The following TMX4 variants were observed in gnomAD, a reference collection of about 807,000 sequenced individuals.
TMX4 encodes the protein thioredoxin related transmembrane protein 4.
Under a neutral mutation model 33.3 loss-of-function variants are expected in TMX4, and 23 were observed. The ratio of observed to expected loss-of-function variants is 0.69; its 90% CI spans 0.50 to 0.98. TMX4 has a LOEUF of 0.98. Among genes scored for constraint, TMX4 ranks in the 50% least tolerant of loss-of-function variants. TMX4 has a pLI of 0.00. For missense variants in TMX4, 399 were observed against 448.9 expected (o/e 0.89, Z 1.01); for synonymous variants, 164 against 161.5 (o/e 1.02, Z -0.12).
At chr20:7,986,273 A>AC (rs1335557936) in intron 6 of TMX4, among the ~76,000 whole-genome samples, 2 of 152,212 alleles carry the variant, frequency 1.3e-5, no homozygotes, top group Admixed American at 6.5e-5. Flanking sequence ...CCTGAAGTTA[A>AC]CATCAGGAGC....
intron 4 of TMX4, among the ~76,000 whole-genome samples, chr20:7,997,624 A>G (rs1190197214): frequency 6.6e-6 from 1 of 152,288 alleles, no homozygotes; most frequent in Non-Finnish European, 1.5e-5. Flanking sequence ...AAATTAGTTT[A>G]TACACCTGAC....
chr20:7,989,719 T>C (rs1247912101), intron 5 of TMX4, among the ~76,000 whole-genome samples: 1 of 152,188 alleles, frequency 6.6e-6, no homozygotes, highest in African/African-American at 2.4e-5. Context: ...AAGCCCCTTA[T>C]GAGTGTTAGG....
intron 6 of TMX4, among the ~76,000 whole-genome samples, chr20:7,985,245 A>ATATG (rs1311791212): frequency 0.013 from 1,824 of 144,812 alleles, 54 homozygotes; most frequent in East Asian, 0.062. Context: ...GTGTATATAT[A>ATATG]TGTGTGTGTG....
intron 4 of TMX4, among the ~76,000 whole-genome samples, chr20:7,997,496 CT>C (rs1259740877): frequency 6.6e-6 from 1 of 151,722 alleles, no homozygotes; most frequent in Non-Finnish European, 1.5e-5. Flanking sequence ...ACTCACATTC[CT>C]TTCCTTATTT....
chr20:8,018,471 GGAGGGAGGGGGAGA>G (rs2050791236), intron 1 of TMX4, among the ~76,000 whole-genome samples: 1 of 38,748 alleles, frequency 2.6e-5, no homozygotes, highest in South Asian at 2.1e-3. Flanking sequence ...AGGGAGGGAG[GGAGGGAGGGGGAGA>G]GAGAGAGAGA....
intron 5 of TMX4, among the ~76,000 whole-genome samples, chr20:7,994,150 C>A (rs114494982): frequency 0.011 from 1,636 of 151,676 alleles, 19 homozygotes; most frequent in Middle Eastern, 0.027. Flanking sequence ...TACTTGTGTG[C>A]CAAATTTTAG....
intron 1 of TMX4, chr20:8,018,646 C>T (rs1272566182): frequency 2.4e-5 from 4 of 166,308 alleles, no homozygotes; most frequent in South Asian, 1.2e-4. Flanking sequence ...TCAACAAATC[C>T]CTTTCTTTCT....
At chr20:8,001,690 A>T in intron 2 of TMX4, 149 bp from the exon 3 acceptor site, 17 of 763,268 alleles carry the variant, frequency 2.2e-5, no homozygotes, top group Non-Finnish European at 3.6e-5. Context: ...TTTCATTTCT[A>T]CCTATTTTTA....
chr20:7,994,094 T>A (rs1314038292), intron 5 of TMX4, among the ~76,000 whole-genome samples: 1 of 152,152 alleles, frequency 6.6e-6, no homozygotes, highest in Non-Finnish European at 1.5e-5. Context: ...TACATTTATA[T>A]AATTGTACAT....
intron 5 of TMX4, among the ~76,000 whole-genome samples, chr20:7,990,087 G>C (rs1017527628): frequency 1.2e-4 from 18 of 152,270 alleles, no homozygotes; most frequent in African/African-American, 4.3e-4. Context: ...ACGAGGTCAG[G>C]AGTTCGAGAC....
At position 7,979,750 on chromosome 20, in the gene TMX4, A is replaced by G. The variant is rs1173474519; in HGVS notation, c.*2501T>C. On this transcript the variant is annotated 3_prime_UTR_variant, in exon 8 of 8. Coordinates refer to ENST00000246024, the MANE Select transcript of TMX4 (RefSeq NM_021156.4). The stretch of plus-strand genomic sequence containing the variant: ...GAAACTCCATCTCAAAAAAAAAAAA[A>G]AAAGAAAATACATTTTTCTTATTAT... 6.6e-6 allele frequency: 1 copy of G among 151,970 alleles called. No individual in the cohort carries two copies. Among genetic ancestry groups the G allele is most frequent in the Non-Finnish European group, 1.5e-5 (1 of 68,002 alleles). 9.4% of individuals were successfully genotyped at this position (151,970 alleles called of 1,614,324 possible). A position where few individuals can be genotyped will look rare whatever the true frequency, so the allele number is the denominator to read the frequency against.
chr20:7,988,039 G>T (rs982672909), intron 5 of TMX4, among the ~76,000 whole-genome samples: 5 of 152,176 alleles, frequency 3.3e-5, no homozygotes, highest in Admixed American at 6.5e-5. Context: ...CTCTAAAAAT[G>T]AGTGAAGGGA....
At chr20:8,013,167 G>A (rs1236096751) in intron 1 of TMX4, among the ~76,000 whole-genome samples, 1 of 152,014 alleles carries the variant, frequency 6.6e-6, no homozygotes, top group African/African-American at 2.4e-5. Flanking sequence ...TATAATTTAT[G>A]TATATATGCA....
chr20:7,982,210 A>G lies in TMX4; in HGVS notation c.*41T>C. The G allele has an allele frequency of 6.4e-7, 1 of 1,573,192 alleles. No individual in the cohort carries two copies. The highest frequency in any genetic ancestry group is 8.6e-7 in the Non-Finnish European group (1 of 1,157,768). ...AACTGCAGGCCAAAGGGAAGCTGAC[A>G]TATTGTTTTGGTGTGTATTCTTGAA... On this transcript the variant is annotated 3_prime_UTR_variant, in exon 8 of 8. Coordinates refer to ENST00000246024, the MANE Select transcript of TMX4 (RefSeq NM_021156.4).
intron 2 of TMX4, among the ~76,000 whole-genome samples, chr20:8,006,415 T>C (rs1199023564): frequency 6.6e-6 from 1 of 152,206 alleles, no homozygotes; most frequent in African/African-American, 2.4e-5. Context: ...ATTGAAATTA[T>C]TCCTTACTAG....
chr20:8,005,871 G>A (rs111568294), intron 2 of TMX4, among the ~76,000 whole-genome samples: 4 of 152,032 alleles, frequency 2.6e-5, no homozygotes, highest in African/African-American at 4.8e-5. Context: ...CTCCATCCCC[G>A]TTCTGGCCTC....
chr20:8,004,790 G>T (rs999811728), intron 2 of TMX4, among the ~76,000 whole-genome samples: 3 of 152,152 alleles, frequency 2.0e-5, no homozygotes, highest in African/African-American at 7.2e-5. Context: ...TTATTAGCAT[G>T]TTATCTTTGT....
At chr20:7,990,024 C>T (rs1044670031) in intron 5 of TMX4, among the ~76,000 whole-genome samples, 2 of 152,088 alleles carry the variant, frequency 1.3e-5, no homozygotes, top group Admixed American at 1.3e-4. Flanking sequence ...GGGCTGGGCG[C>T]GGTGGCTCAC....
At chr20:8,009,981 T>C (rs2050746151) in intron 2 of TMX4, among the ~76,000 whole-genome samples, 1 of 149,520 alleles carries the variant, frequency 6.7e-6, no homozygotes, top group African/African-American at 2.5e-5. Context: ...TTCAGCAAAA[T>C]AAAAATAGAA....
Sources: gnomAD v4.1 joint callset for allele counts (sites outside exome capture counted in the v4.1 genomes callset) on GRCh38, gnomAD v4.1.1 for gene constraint, MANE v1.5 for transcripts, NCBI Gene and HGNC (gene_info 2026-07-23, HGNC 2026-07-21) for gene names.